ASTN1: variants seen among roughly 807,000 people sequenced by gnomAD.
The protein encoded by ASTN1 is astrotactin 1, also known as astrotactin-1.
Under a neutral mutation model 140.7 loss-of-function variants are expected in ASTN1, and 41 were observed. The observed-to-expected ratio is 0.29, with a 90% CI of 0.23 to 0.38. ASTN1 has a LOEUF of 0.38. Among genes scored for constraint, ASTN1 ranks in the 10% least tolerant of loss-of-function variants. The pLI is 1.00. For synonymous variants in ASTN1, 640 were observed against 652.2 expected, an observed-to-expected ratio of 0.98 and a Z score of 0.29; for missense variants, 1,479 against 1,678.8, an observed-to-expected ratio of 0.88 and a Z score of 2.08.
At chr1:176,857,595 T>A (rs200127081), downstream of ASTN1, 1 of 606,226 alleles carries the variant, frequency 1.6e-6, no homozygotes, top group Non-Finnish European at 3.0e-6. Flanking sequence ...GCTGCCGTCT[T>A]CTTCCTTTCC....
At chr1:177,007,635 T>G (rs1675062689) in intron 8 of ASTN1, among the ~76,000 whole-genome samples, 1 of 152,088 alleles carries the variant, frequency 6.6e-6, no homozygotes, top group South Asian at 2.1e-4. Flanking sequence ...TTTAAATCTC[T>G]GGGGGTAGAC....
chr1:176,983,300 C>T (rs982117830), intron 8 of ASTN1, among the ~76,000 whole-genome samples: 1 of 152,114 alleles, frequency 6.6e-6, no homozygotes, highest in Non-Finnish European at 1.5e-5. Flanking sequence ...ACACTGTCTC[C>T]AGCACTCCCA....
Position 176,862,109 on chromosome 1 carries a change from ATCT to A in ASTN1, c.*2172_*2174del. The A allele has an allele frequency of 1.0e-6, 1 of 985,440 alleles. No individual in the cohort carries two copies. The highest frequency in any genetic ancestry group is 1.2e-6 in the Non-Finnish European group (1 of 829,942). The allele number at this position is 985,440 out of a possible 1,614,324, so 61.0% of individuals were successfully genotyped here. ...GGGCCCTGTCTGATTGGCCTGTCAC[ATCT>A]TCTCTGGCAATGGTGAAATATTTGC... On this transcript the variant is annotated 3_prime_UTR_variant, in exon 23 of 23. Coordinates refer to ENST00000361833, the MANE Select transcript of ASTN1 (RefSeq NM_004319.3).
intron 14 of ASTN1, among the ~76,000 whole-genome samples, chr1:176,939,254 T>G (rs1474559352): frequency 6.6e-6 from 1 of 152,236 alleles, no homozygotes; most frequent in African/African-American, 2.4e-5. Context: ...ATTTCTTAAT[T>G]GGTGCTTTTG....
rs949078008 is a variant in ASTN1 at position 176,864,622 on chromosome 1, G to A, written c.3648-101C>T. ...AGACTCTAAACTTCAAGAGGGAAGA[G>A]TGTGGTGTGTTTTGCTCCCTATTTT... is the stretch of plus-strand genomic sequence containing the variant. On this transcript the variant is annotated intron_variant, in intron 22 of 22. Transcript: ENST00000361833. The A allele has an allele frequency of 1.3e-5, 19 of 1,502,210 alleles. No individual in the cohort carries two copies. The African/African-American group carries it at 2.2e-4, about 18-fold the overall frequency. 93.1% of individuals were successfully genotyped at this position (1,502,210 alleles called of 1,614,324 possible). A position where few individuals can be genotyped will look rare whatever the true frequency, so the allele number is the denominator to read the frequency against.
chr1:176,967,476 G>T (rs1672936430), intron 8 of ASTN1, among the ~76,000 whole-genome samples: 1 of 152,116 alleles, frequency 6.6e-6, no homozygotes, highest in Non-Finnish European at 1.5e-5. Context: ...ATTTTGGGTA[G>T]GATCATATTT....
intron 1 of ASTN1, 38 bp downstream of exon 1, chr1:177,164,356 C>G (rs777779786): frequency 3.3e-6 from 5 of 1,524,188 alleles, no homozygotes; most frequent in Non-Finnish European, 3.5e-6. Context: ...GGCGCCGGTC[C>G]AGCGCCTCCG....
At chr1:176,878,283 C>T (rs867560027) in intron 20 of ASTN1, among the ~76,000 whole-genome samples, 7 of 152,208 alleles carry the variant, frequency 4.6e-5, no homozygotes, top group African/African-American at 1.7e-4. Flanking sequence ...GTCTACAACA[C>T]GGTGGCTCAA....
At chr1:177,090,778 T>A (rs1164758237) in intron 1 of ASTN1, among the ~76,000 whole-genome samples, 2 of 152,130 alleles carry the variant, frequency 1.3e-5, no homozygotes, top group Non-Finnish European at 2.9e-5. Context: ...TCCTTTCCCA[T>A]GTCTATAAGA....
At position 176,942,859 on chromosome 1, in the gene ASTN1, T is replaced by TATATATATATATATATATAC. The variant is rs1557978139; in HGVS notation, c.2377+1031_2377+1032insGTATATATATATATATATAT. On this transcript the variant is annotated intron_variant, in intron 14 of 22. Transcript: ENST00000361833. ...ATGTATATATATATATATATATATA[T>TATATATATATATATATATAC]ATATATAGATTGATGTCTCATGTCT... Among the ~76,000 whole-genome samples, 4 of 104,140 alleles carry TATATATATATATATATATAC rather than the reference T, an allele frequency of 3.8e-5. 1 individual carries two copies. Among genetic ancestry groups the TATATATATATATATATATAC allele is most frequent in the Non-Finnish European group, 8.1e-5 (4 of 49,132 alleles). 68.3% of individuals were successfully genotyped at this position (104,140 alleles called of 152,430 possible). A position where few individuals can be genotyped will look rare whatever the true frequency, so the allele number is the denominator to read the frequency against.
rs189519951 is a variant in ASTN1 at position 176,989,735 on chromosome 1, G to A, written c.1524-24498C>T. On this transcript the variant is annotated intron_variant, in intron 8 of 22. Transcript: ENST00000361833. ...CCATGACATTTTGCTGATAATGGACGAATAATGGCTCATTCCAGGAAGACA... is the reference window on the plus strand; with the variant it reads ...CCATGACATTTTGCTGATAATGGACAAATAATGGCTCATTCCAGGAAGACA... Among the ~76,000 whole-genome samples the A allele has an allele frequency of 4.2e-3, 635 of 152,264 alleles. 1 individual carries two copies. Among genetic ancestry groups the A allele is most frequent in the Middle Eastern group, 0.01 (3 of 294 alleles).
intron 1 of ASTN1, among the ~76,000 whole-genome samples, chr1:177,097,586 C>T (rs1002221262): frequency 3.3e-5 from 5 of 152,120 alleles, no homozygotes; most frequent in Non-Finnish European, 7.4e-5. Flanking sequence ...AGCTCCTAAA[C>T]CCTTGGAATT....
chr1:177,151,498 A>T (rs1029174792), intron 1 of ASTN1, among the ~76,000 whole-genome samples: 1 of 152,048 alleles, frequency 6.6e-6, no homozygotes, highest in Non-Finnish European at 1.5e-5. Context: ...CTGTGAGTGT[A>T]AACACACATA....
intron 16 of ASTN1, among the ~76,000 whole-genome samples, chr1:176,902,363 G>A (rs995280929): frequency 9.2e-5 from 14 of 152,248 alleles, no homozygotes; most frequent in South Asian, 4.1e-4. Context: ...ATGACTATGC[G>A]GATTTGGAAG....
intron 1 of ASTN1, among the ~76,000 whole-genome samples, chr1:177,134,737 C>T (rs2102210264): frequency 6.6e-6 from 1 of 152,214 alleles, no homozygotes; most frequent in East Asian, 1.9e-4. Flanking sequence ...CTACAGAATG[C>T]AAAGAGGAAG....
At chr1:177,066,408 G>A (rs1313913726) in intron 1 of ASTN1, among the ~76,000 whole-genome samples, 2 of 152,188 alleles carry the variant, frequency 1.3e-5, no homozygotes, top group Non-Finnish European at 2.9e-5. Flanking sequence ...GAAAGGCAGT[G>A]GGAAGAAGAG....
intron 22 of ASTN1, among the ~76,000 whole-genome samples, chr1:176,864,824 C>T (rs1170123430): frequency 6.6e-6 from 1 of 152,062 alleles, no homozygotes; most frequent in Non-Finnish European, 1.5e-5. Flanking sequence ...ATAGAGTTGG[C>T]AGGTTTGAAA....
Position 176,882,776 on chromosome 1 carries a change from G to C in ASTN1, c.3362+83C>G, listed in dbSNP as rs1427640756. 3.8e-6 allele frequency: 6 copies of C among 1,560,130 alleles called. No homozygotes were observed. The Admixed American group carries it at 8.5e-5, about 22-fold the overall frequency. On this transcript the variant is annotated intron_variant, in intron 20 of 22. Coordinates refer to ENST00000361833, the MANE Select transcript of ASTN1 (RefSeq NM_004319.3). ...AACATGTTTTGCTGAGTCTCTAAAG[G>C]AACTCAAGTAGCAAGAAGAAACCGG...
At chr1:177,005,560 G>C (rs1674952499) in intron 8 of ASTN1, among the ~76,000 whole-genome samples, 1 of 152,134 alleles carries the variant, frequency 6.6e-6, no homozygotes, top group South Asian at 2.1e-4. Context: ...CAATTGCAAA[G>C]ATATGGAATT....
Sources: allele counts gnomAD v4.1 joint callset (sites outside exome capture counted in the v4.1 genomes callset), GRCh38; gene constraint gnomAD v4.1.1; transcripts MANE v1.5; gene names NCBI Gene and HGNC (gene_info 2026-07-23, HGNC 2026-07-21).